The following TOGARAM1 variants were observed in gnomAD, a reference collection of about 807,000 sequenced individuals.
The protein encoded by TOGARAM1 is TOG array regulator of axonemal microtubules 1.
TOGARAM1 carries 100 observed loss-of-function variants against 166.6 expected under a neutral mutation model. The observed-to-expected ratio is 0.60, with a 90% CI of 0.51 to 0.71. TOGARAM1 has a LOEUF of 0.71. TOGARAM1 is among the 30% of genes least tolerant of loss of function. The pLI is 0.00. For synonymous variants in TOGARAM1, 758 were observed against 763.8 expected, an observed-to-expected ratio of 0.99 and a Z score of 0.13; for missense variants, 2,029 against 2,102.7, an observed-to-expected ratio of 0.96 and a Z score of 0.69.
chr14:45,036,125 G>C (rs7154739), intron 11 of TOGARAM1, among the ~76,000 whole-genome samples: 2,239 of 79,100 alleles, frequency 0.028, 68 homozygotes, highest in African/African-American at 0.1. Context: ...ACAAGACCTT[G>C]TCTCTAAAAA....
At chr14:45,017,993 A>G (rs1375144392) in intron 7 of TOGARAM1, among the ~76,000 whole-genome samples, 2 of 152,234 alleles carry the variant, frequency 1.3e-5, no homozygotes, top group East Asian at 3.8e-4. Flanking sequence ...TTACAGCTGC[A>G]TTTTAAAAAT....
chr14:44,993,968 T>C (rs1887280142), intron 1 of TOGARAM1, among the ~76,000 whole-genome samples: 1 of 152,260 alleles, frequency 6.6e-6, no homozygotes, highest in South Asian at 2.1e-4. Flanking sequence ...ACATCATCTT[T>C]TAATATATCT....
In TOGARAM1 at chr14:45,043,083, T is replaced by C. The variant is rs145090837; in HGVS notation, c.3813-603T>C. ...TCATTTACACTGAATATCTGCTGTT[T>C]CGTGTAGCTACTTGTATCTATTACC... On this transcript the variant is annotated intron_variant, in intron 11 of 19. Coordinates refer to ENST00000361462, the MANE Select transcript of TOGARAM1 (RefSeq NM_001308120.2). Among the ~76,000 whole-genome samples, 643 of 152,344 alleles carry C rather than the reference T, an allele frequency of 4.2e-3. 3 individuals carry two copies. The highest frequency in any genetic ancestry group is 0.019 in the South Asian group (92 of 4,832).
intron 13 of TOGARAM1, among the ~76,000 whole-genome samples, chr14:45,045,636 T>C (rs1243230724): frequency 8.3e-6 from 1 of 119,878 alleles, no homozygotes; most frequent in African/African-American, 3.1e-5. Flanking sequence ...TGTATATATA[T>C]ACATATATAT....
chr14:44,979,271 A>T (rs1361129206), intron 1 of TOGARAM1, among the ~76,000 whole-genome samples: 1 of 152,162 alleles, frequency 6.6e-6, no homozygotes, highest in Non-Finnish European at 1.5e-5. Flanking sequence ...AACAATAGAC[A>T]TTTATTGCTC....
rs1167370403 is a variant in TOGARAM1, at chr14:44,964,363, A to G, written c.1942A>G (p.Arg648Gly). ...GSYSPTICTR[R>G]VLSAGKGKNK... is the part of the protein sequence containing the mutation. ...TTACAGCCCAACTATCTGTACCCGA[A>G]GGGTATTAAGTGCAGGAAAAGGAAA... The change falls in exon 1 of 20, where the codon AGG becomes GGG. Residue 648 changes from arginine (R) to glycine (G), a missense_variant. Transcript: ENST00000361462. 3 of 1,614,172 alleles carry G rather than the reference A, an allele frequency of 1.9e-6. No individual in the cohort carries two copies. Among genetic ancestry groups the G allele is most frequent in the Middle Eastern group, 1.6e-4 (1 of 6,062 alleles).
At position 45,006,278 on chromosome 14, in the gene TOGARAM1, A is replaced by C. The variant is rs1785818567; in HGVS notation, c.2904+11A>C. 6.4e-7 allele frequency: 1 copy of C among 1,553,638 alleles called. No individual in the cohort carries two copies. The highest frequency in any genetic ancestry group is 1.4e-5 in the African/African-American group (1 of 72,830). The stretch of plus-strand genomic sequence containing the variant: ...TTGGATCAAGAAGAGGTTAGAACCA[A>C]ATATTTTTAATGACTTAAAAATATT... On this transcript the variant is annotated intron_variant, in intron 5 of 19. Coordinates refer to ENST00000361462, the MANE Select transcript of TOGARAM1 (RefSeq NM_001308120.2).
At chr14:44,978,654 C>T (rs1399491084) in intron 1 of TOGARAM1, among the ~76,000 whole-genome samples, 1 of 151,956 alleles carries the variant, frequency 6.6e-6, no homozygotes, top group African/African-American at 2.4e-5. Flanking sequence ...AAAAATTAGC[C>T]AGGCATGGTG....
intron 7 of TOGARAM1, among the ~76,000 whole-genome samples, chr14:45,015,064 G>A (rs1373302651): frequency 6.6e-6 from 1 of 152,084 alleles, no homozygotes; most frequent in Non-Finnish European, 1.5e-5. Context: ...AGCACTTTGG[G>A]AGGCTGAGGC....
At chr14:45,040,213 T>TTGG in intron 11 of TOGARAM1, among the ~76,000 whole-genome samples, 1 of 152,294 alleles carries the variant, frequency 6.6e-6, no homozygotes, top group African/African-American at 2.4e-5. Context: ...CCTATGGATC[T>TTGG]AAGAAGAAAT....
chr14:44,987,004 CAA>C (rs749013284), intron 1 of TOGARAM1, among the ~76,000 whole-genome samples: 14 of 58,336 alleles, frequency 2.4e-4, no homozygotes, highest in East Asian at 2.2e-3. Flanking sequence ...GACTCTGTCT[CAA>C]AAAAAAAAAA....
chr14:45,074,277 C>T lies in TOGARAM1; in HGVS notation c.*716C>T, dbSNP rs1270153697. On this transcript the variant is annotated 3_prime_UTR_variant, in exon 20 of 20. Coordinates refer to ENST00000361462, the MANE Select transcript of TOGARAM1 (RefSeq NM_001308120.2). ...AAATTTTATTGCTTTATGTTTTGAC[C>T]TTTATAAAGGTGTTATTCTGCTGCC... 1 of 152,468 alleles carries T rather than the reference C, an allele frequency of 6.6e-6. No homozygotes were observed. Among genetic ancestry groups the T allele is most frequent in the African/African-American group, 2.4e-5 (1 of 41,392 alleles). 9.4% of individuals were successfully genotyped at this position (152,468 alleles called of 1,614,324 possible).
intron 7 of TOGARAM1, among the ~76,000 whole-genome samples, chr14:45,014,508 G>A (rs967907013): frequency 9.9e-5 from 15 of 151,782 alleles, no homozygotes; most frequent in Admixed American, 2.6e-4. Flanking sequence ...CTAATGTTTC[G>A]GATTTTATAT....
rs1254422331 is a variant in TOGARAM1, at chr14:45,054,508, A to T, written c.4518A>T (p.Arg1506Ser). 1.2e-6 allele frequency: 2 copies of T among 1,613,512 alleles called. No individual in the cohort carries two copies. Among genetic ancestry groups the T allele is most frequent in the East Asian group, 2.2e-5 (1 of 44,798 alleles). The change falls in exon 16 of 20, where the codon AGA (arginine) becomes AGT (serine). Residue 1506 changes from arginine (R) to serine (S), a missense_variant. Arg to Ser is a moderately radical substitution (Grantham distance 110, BLOSUM62 -1). This residue lies in a region of TOGARAM1 where 576 missense variants were observed against 670.5 expected (regional missense o/e 0.86). Coordinates refer to ENST00000361462, the MANE Select transcript of TOGARAM1 (RefSeq NM_001308120.2). ...ATACTGGCAGTGTTGGAAATACAAG[A>T]TCATCATCTGTTTCTAGAGATGCTT... ...RSHTGSVGNT[R>S]SSSVSRDAFN...
chr14:45,023,462 A>G (rs372678094), intron 7 of TOGARAM1, among the ~76,000 whole-genome samples: 6 of 152,226 alleles, frequency 3.9e-5, no homozygotes, highest in African/African-American at 1.4e-4. Flanking sequence ...TGAGATGTCC[A>G]CACAGTAAGA....
intron 1 of TOGARAM1, among the ~76,000 whole-genome samples, chr14:44,967,226 A>T (rs556575136): frequency 5.4e-4 from 82 of 152,200 alleles, no homozygotes; most frequent in Non-Finnish European, 1.1e-3. Flanking sequence ...AATACCTCCA[A>T]TTCAAAACTA....
At chr14:44,994,020 A>G (rs141956442) in intron 1 of TOGARAM1, among the ~76,000 whole-genome samples, 6 of 152,298 alleles carry the variant, frequency 3.9e-5, no homozygotes, top group Non-Finnish European at 7.4e-5. Context: ...TTATTCCATT[A>G]TATCCTTTTG....
At chr14:45,048,314 CAAAAAAAA>C (rs1165258521) in intron 14 of TOGARAM1, among the ~76,000 whole-genome samples, 1 of 43,758 alleles carries the variant, frequency 2.3e-5, no homozygotes, top group African/African-American at 7.3e-5. Flanking sequence ...GACTCCATCT[CAAAAAAAA>C]AAAAAAAAAA....
intron 7 of TOGARAM1, among the ~76,000 whole-genome samples, chr14:45,015,310 ATAAAT>A (rs1566635227): frequency 9.8e-6 from 1 of 102,060 alleles, no homozygotes; most frequent in Admixed American, 8.5e-5. Context: ...ATCTCAAAAA[ATAAAT>A]AAATAAATAA....
Sources: allele counts gnomAD v4.1 joint callset (sites outside exome capture counted in the v4.1 genomes callset), GRCh38; gene constraint gnomAD v4.1.1; regional missense constraint gnomAD v4.1.1; transcripts MANE v1.5; gene names NCBI Gene and HGNC (gene_info 2026-07-23, HGNC 2026-07-21).